Variants in ABLIM1 observed in about 807,000 individuals in gnomAD.
ABLIM1 encodes actin-binding LIM protein 1.
ABLIM1 carries 40 observed loss-of-function variants against 107.0 expected under a neutral mutation model. The ratio of observed to expected loss-of-function variants is 0.37; its 90% CI spans 0.29 to 0.49. The LOEUF is 0.49. ABLIM1 is among the 20% of genes least tolerant of loss of function. The probability of loss-of-function intolerance (pLI) is 0.97; values close to 1 mark genes in which losing one functional copy is unlikely to be tolerated. For synonymous variants in ABLIM1, 357 were observed against 357.3 expected (o/e 1.00, Z 0.01); for missense variants, 857 against 1,008.5 (o/e 0.85, Z 2.04).
intron 8 of ABLIM1, among the ~76,000 whole-genome samples, chr10:114,474,468 C>T (rs2042933162): frequency 6.6e-6 from 1 of 150,514 alleles, no homozygotes; most frequent in South Asian, 2.1e-4. Context: ...GCAAGCTCCG[C>T]CTCCCAGGTT....
chr10:114,565,797 T>TTTTTC, intron 4 of ABLIM1, among the ~76,000 whole-genome samples: 1 of 68,268 alleles, frequency 1.5e-5, no homozygotes, highest in South Asian at 4.5e-4. Context: ...TCTTTTTTTT[T>TTTTTC]TTTTTTTTTT....
chr10:114,505,777 C>T (rs2061041965), intron 6 of ABLIM1, among the ~76,000 whole-genome samples: 1 of 152,212 alleles, frequency 6.6e-6, no homozygotes, highest in Non-Finnish European at 1.5e-5. Flanking sequence ...GATAGCTCTC[C>T]TTCCCCCATG....
chr10:114,740,210 T>C (rs1269107126), intron 1 of ABLIM1, among the ~76,000 whole-genome samples: 2 of 152,040 alleles, frequency 1.3e-5, no homozygotes, highest in Non-Finnish European at 2.9e-5. Context: ...GAAATGCTAG[T>C]ATGTGCCTCA....
chr10:114,572,307 C>T (rs1476579557), intron 3 of ABLIM1, among the ~76,000 whole-genome samples: 4 of 152,232 alleles, frequency 2.6e-5, no homozygotes, highest in South Asian at 2.1e-4. Flanking sequence ...GAAGCAATTA[C>T]TTAAGAGCAA....
intron 4 of ABLIM1, among the ~76,000 whole-genome samples, chr10:114,557,997 A>G (rs2069026206): frequency 6.6e-6 from 1 of 151,942 alleles, no homozygotes; most frequent in Non-Finnish European, 1.5e-5. Context: ...ATAAATCTCT[A>G]ATTTTGGACA....
At chr10:114,634,563 G>A (rs2078381422) in intron 1 of ABLIM1, among the ~76,000 whole-genome samples, 1 of 152,152 alleles carries the variant, frequency 6.6e-6, no homozygotes, top group Non-Finnish European at 1.5e-5. Flanking sequence ...AACAGAATTT[G>A]GAAAGGCTCT....
At chr10:114,478,408 T>C (rs2056816094) in intron 8 of ABLIM1, among the ~76,000 whole-genome samples, 1 of 152,236 alleles carries the variant, frequency 6.6e-6, no homozygotes, top group Admixed American at 6.5e-5. Context: ...GGTTTGGCTC[T>C]GTGCCCCCAC....
intron 6 of ABLIM1, among the ~76,000 whole-genome samples, chr10:114,526,312 CCA>C (rs532795868): frequency 1.0e-3 from 155 of 152,258 alleles, no homozygotes; most frequent in African/African-American, 3.2e-3. Flanking sequence ...AGTCTGAAAA[CCA>C]CAGTCTCCTT....
rs534825938 is a variant in ABLIM1, at chr10:114,603,818, T to A, written c.245-1857A>T. On this transcript the variant is annotated intron_variant, in intron 1 of 22. Coordinates refer to ENST00000533213, the MANE Select transcript of ABLIM1 (RefSeq NM_002313.7). ...AAAATACAAAATTAGCCTGGCGTGG[T>A]GGCACGTGCCTGTAATCCCAGCTAC... Among the ~76,000 whole-genome samples the A allele has an allele frequency of 5.3e-5, 8 of 151,948 alleles. No homozygotes were observed. The East Asian group carries it at 1.6e-3, about 30-fold the overall frequency.
At chr10:114,598,100 C>T (rs1276542357) in intron 2 of ABLIM1, among the ~76,000 whole-genome samples, 4 of 151,880 alleles carry the variant, frequency 2.6e-5, no homozygotes, top group Admixed American at 2.0e-4. Context: ...GGTAAAACCC[C>T]GTGTCTACAA....
At chr10:114,800,902 C>T in the ABLIM1 span, among the ~76,000 whole-genome samples, 7 of 151,652 alleles carry the variant, frequency 4.6e-5, no homozygotes, top group African/African-American at 1.7e-4. Context: ...GAGCAAGACT[C>T]CAACTCAATA....
chr10:114,509,748 C>T (rs939399769), intron 6 of ABLIM1, among the ~76,000 whole-genome samples: 1 of 152,186 alleles, frequency 6.6e-6, no homozygotes. Flanking sequence ...GCCATGTGGG[C>T]TCTGCGTCAG....
At chr10:114,440,990 T>C (rs768340044) in intron 19 of ABLIM1, 27 bp downstream of exon 19, 26 of 1,573,306 alleles carry the variant, frequency 1.7e-5, no homozygotes, top group Non-Finnish European at 2.1e-5. Context: ...GACGTGGCCA[T>C]GCTCAGCCTG....
intron 1 of ABLIM1, among the ~76,000 whole-genome samples, chr10:114,604,575 A>C (rs2076280343): frequency 1.3e-5 from 2 of 152,254 alleles, no homozygotes; most frequent in Non-Finnish European, 2.9e-5. Context: ...GGAGTCAGGC[A>C]TCTACCTTTT....
chr10:114,665,502 G>C (rs1356791265), intron 1 of ABLIM1, among the ~76,000 whole-genome samples: 1 of 152,226 alleles, frequency 6.6e-6, no homozygotes, highest in African/African-American at 2.4e-5. Flanking sequence ...AAAGGACATG[G>C]AGAAGCTCTT....
chr10:114,644,213 G>A (rs112697652), intron 1 of ABLIM1, among the ~76,000 whole-genome samples: 7,356 of 136,084 alleles, frequency 0.054, 264 homozygotes, highest in Middle Eastern at 0.085. Context: ...CCCGGGAGGC[G>A]GAGCTTGCAG....
intron 1 of ABLIM1, among the ~76,000 whole-genome samples, chr10:114,761,957 A>G (rs919813052): frequency 6.6e-6 from 1 of 150,874 alleles, no homozygotes; most frequent in African/African-American, 2.5e-5. Context: ...CTTTGGTATT[A>G]CCATAATTCT....
At chr10:114,642,347 T>G in intron 1 of ABLIM1, among the ~76,000 whole-genome samples, 1 of 151,052 alleles carries the variant, frequency 6.6e-6, no homozygotes. Context: ...AAGGATGAAA[T>G]GGTGACACAA....
chr10:114,686,942 C>A (rs918201595), upstream of ABLIM1, among the ~76,000 whole-genome samples: 1 of 152,112 alleles, frequency 6.6e-6, no homozygotes, highest in Non-Finnish European at 1.5e-5. Context: ...CAACCACTTT[C>A]TAATTAAATA....
Sources: allele counts gnomAD v4.1 joint callset (sites outside exome capture counted in the v4.1 genomes callset), GRCh38; gene constraint gnomAD v4.1.1; transcripts MANE v1.5; gene names NCBI Gene and HGNC (gene_info 2026-07-23, HGNC 2026-07-21).